The following RPRD2 variants were observed in gnomAD, a reference collection of about 807,000 sequenced individuals.
RPRD2 encodes regulation of nuclear pre-mRNA domain containing 2, also known as regulation of nuclear pre-mRNA domain-containing protein 2.
In RPRD2, 12 loss-of-function variants were observed where a neutral mutation model predicts 104.4. The ratio of observed to expected loss-of-function variants is 0.11; its 90% CI spans 0.07 to 0.19. RPRD2 has a LOEUF of 0.19. RPRD2 is among the 10% of genes least tolerant of loss of function. RPRD2 has a pLI of 1.00. For missense variants in RPRD2, 1,543 were observed against 1,790.1 expected (o/e 0.86, Z 2.49); for synonymous variants, 714 against 684.9 (o/e 1.04, Z -0.66).
chr1:150,442,765 T>C (rs1321698720), intron 4 of RPRD2, among the ~76,000 whole-genome samples: 1 of 152,338 alleles, frequency 6.6e-6, no homozygotes, highest in African/African-American at 2.4e-5. Flanking sequence ...TTTCCTTGCC[T>C]ATTTTTGCTA....
At position 150,472,188 on chromosome 1, in the gene RPRD2, A is replaced by G. The variant is rs2102447837; in HGVS notation, c.3240A>G (p.Glu1080=). The change falls in exon 11 of 11, where the codon GAA becomes GAG. Residue 1080 remains glutamate, a synonymous_variant. Transcript: ENST00000369068. ...SCLDLPDSTE[E]KGAPIETLGY... ...TAGACTTGCCTGATAGCACAGAAGA[A>G]AAGGGGGCCCCTATAGAAACCTTGG... is the stretch of plus-strand genomic sequence containing the variant. The G allele has an allele frequency of 2.5e-6, 4 of 1,613,904 alleles. No homozygotes were observed. The highest frequency in any genetic ancestry group is 3.4e-6 in the Non-Finnish European group (4 of 1,179,872).
rs782490869 is a variant in RPRD2, at chr1:150,417,639, T to C, written c.249T>C (p.Asp83=). The C allele has an allele frequency of 2.1e-5, 34 of 1,601,602 alleles. No individual in the cohort carries two copies. Among genetic ancestry groups the C allele is most frequent in the Non-Finnish European group, 2.9e-5 (34 of 1,171,724 alleles). ...HRLNLFYLAN[D]VIQNCKRKNA... ...TGAATCTCTTTTACCTTGCCAATGA[T>C]GTCATACAGAACTGTAAAAGGAAAA... Residue 83 remains aspartate, a synonymous_variant, in exon 2 of 11, where the codon GAT becomes GAC. Transcript: ENST00000369068.
rs1402680790 is a variant in RPRD2 at position 150,471,031 on chromosome 1, T to C, written c.2083T>C (p.Leu695=). The change falls in exon 11 of 11, where the codon TTG becomes CTG. Residue 695 remains leucine, a synonymous_variant. Transcript: ENST00000369068. This position sits in a 1 kb window ranked among gnomAD's most constrained non-coding sequence, Gnocchi z 5.3. ...LNLNIPILSS[L]GSSAPSESHP... ...CTTAAACATCCCAATCCTGAGCAGT[T>C]TGGGGTCCAGCGCCCCATCAGAGAG... 9.9e-6 allele frequency: 16 copies of C among 1,613,884 alleles called. No individual in the cohort carries two copies. The highest frequency in any genetic ancestry group is 1.2e-5 in the Non-Finnish European group (14 of 1,179,888).
intron 2 of RPRD2, among the ~76,000 whole-genome samples, chr1:150,419,447 C>T (rs1209583514): frequency 6.6e-6 from 1 of 152,054 alleles, no homozygotes; most frequent in African/African-American, 2.4e-5. Flanking sequence ...AAAATGTCTA[C>T]CTTGCTATTA....
chr1:150,376,599 C>G (rs1173973813), intron 1 of RPRD2, among the ~76,000 whole-genome samples: 2 of 151,418 alleles, frequency 1.3e-5, no homozygotes, highest in Non-Finnish European at 2.9e-5. Context: ...CTCCCGGGTT[C>G]ACGCCATTCT....
chr1:150,377,406 C>T (rs587681713), intron 1 of RPRD2, among the ~76,000 whole-genome samples: 100 of 151,714 alleles, frequency 6.6e-4, no homozygotes, highest in Non-Finnish European at 4.4e-5. Flanking sequence ...TGAGACCATC[C>T]TGGCTGACGG....
At chr1:150,460,818 T>A (rs1343116457) in intron 9 of RPRD2, among the ~76,000 whole-genome samples, 1 of 151,024 alleles carries the variant, frequency 6.6e-6, no homozygotes, top group East Asian at 2.0e-4. Context: ...AGCCTCCATC[T>A]CCCAGGTTCA....
intron 7 of RPRD2, among the ~76,000 whole-genome samples, chr1:150,448,678 T>C (rs1666958945): frequency 6.6e-6 from 1 of 152,206 alleles, no homozygotes; most frequent in South Asian, 2.1e-4. Flanking sequence ...TGTTTTCTCT[T>C]TTATTGTTTG....
At chr1:150,413,550 C>A (rs1413106476) in intron 1 of RPRD2, among the ~76,000 whole-genome samples, 14 of 151,568 alleles carry the variant, frequency 9.2e-5, no homozygotes, top group Non-Finnish European at 1.8e-4. Flanking sequence ...TTGCGGTAAG[C>A]TGAGATCGTG....
At chr1:150,439,536 A>G (rs1458436792) in intron 2 of RPRD2, among the ~76,000 whole-genome samples, 4 of 152,008 alleles carry the variant, frequency 2.6e-5, no homozygotes, top group South Asian at 2.1e-4. Context: ...TACATAAGCC[A>G]TTCTTAGGCA....
intron 1 of RPRD2, among the ~76,000 whole-genome samples, chr1:150,411,143 G>A (rs1284772702): frequency 6.6e-6 from 1 of 152,092 alleles, no homozygotes; most frequent in Non-Finnish European, 1.5e-5. Flanking sequence ...ACAGTCCCTG[G>A]CATATAGAAA....
At position 150,473,082 on chromosome 1, in the gene RPRD2, C is replaced by T. The variant is rs779900696; in HGVS notation, c.4134C>T (p.His1378=). The change falls in exon 11 of 11, where the codon CAC becomes CAT. Residue 1378 remains histidine (H), a synonymous_variant. Coordinates refer to ENST00000369068, the MANE Select transcript of RPRD2 (RefSeq NM_015203.5). The part of the protein sequence containing the change: ...SLTLPSHSLE[H]LGPPHGGGGG... ...CCCTACCCTCCCATTCTCTGGAACA[C>T]CTGGGCCCACCCCATGGAGGAGGAG... 9 of 1,613,916 alleles carry T rather than the reference C, an allele frequency of 5.6e-6. No homozygotes were observed. In the East Asian group the frequency reaches 1.8e-4, roughly 32 times the overall value.
chr1:150,432,643 CA>C (rs34795861), intron 2 of RPRD2, among the ~76,000 whole-genome samples: 30,423 of 126,916 alleles, frequency 0.24, 3,803 homozygotes, highest in African/African-American at 0.32. Context: ...AAAAAAAAGC[CA>C]AAAAAAAAAA....
At chr1:150,374,041 C>T (rs186244537) in intron 1 of RPRD2, among the ~76,000 whole-genome samples, 20 of 152,300 alleles carry the variant, frequency 1.3e-4, no homozygotes, top group African/African-American at 4.8e-4. Context: ...TGATGGTTGG[C>T]ATCCCCTGGG....
In RPRD2 at chr1:150,476,416, G is replaced by A. The variant is rs1229618065; in HGVS notation, c.*3082G>A. On this transcript the variant is annotated 3_prime_UTR_variant, in exon 11 of 11. Transcript: ENST00000369068. The stretch of plus-strand genomic sequence containing the variant: ...CACTATTTTTTTTAAGTGGGCGGGG[G>A]CGCCTGTTAAGATCTAAAATAGATA... The A allele has an allele frequency of 6.6e-6, 1 of 152,172 alleles. No homozygotes were observed. Among genetic ancestry groups the A allele is most frequent in the African/African-American group, 2.4e-5 (1 of 41,438 alleles). The allele number at this position is 152,172 out of a possible 1,614,324, so 9.4% of individuals were successfully genotyped here.
chr1:150,456,912 C>T (rs1381224414), intron 7 of RPRD2, among the ~76,000 whole-genome samples: 4 of 137,524 alleles, frequency 2.9e-5, no homozygotes, highest in African/African-American at 8.8e-5. Flanking sequence ...GCAACAAGAG[C>T]GAAATTCCTT....
intron 1 of RPRD2, among the ~76,000 whole-genome samples, chr1:150,387,177 A>G (rs1043404167): frequency 7.9e-5 from 12 of 152,170 alleles, no homozygotes; most frequent in African/African-American, 2.9e-4. Context: ...AAATGTATTT[A>G]TTGAAAAATC....
intron 7 of RPRD2, among the ~76,000 whole-genome samples, chr1:150,452,773 C>G (rs1429679360): frequency 1.4e-5 from 2 of 144,966 alleles, no homozygotes; most frequent in Admixed American, 1.4e-4. Flanking sequence ...CAGGTTTAAG[C>G]AATTCTCCTA....
At chr1:150,412,972 T>TA (rs201693128) in intron 1 of RPRD2, among the ~76,000 whole-genome samples, 51 of 149,172 alleles carry the variant, frequency 3.4e-4, no homozygotes, top group African/African-American at 1.0e-3. Flanking sequence ...GATCTTTTCT[T>TA]AAAAAAAAAG....
Sources: allele counts gnomAD v4.1 joint callset (sites outside exome capture counted in the v4.1 genomes callset), GRCh38; gene constraint gnomAD v4.1.1; non-coding constraint Gnocchi (gnomAD v3.1); transcripts MANE v1.5; gene names NCBI Gene and HGNC (gene_info 2026-07-23, HGNC 2026-07-21).